The following SLC24A1 variants were observed in gnomAD, a reference collection of about 807,000 sequenced individuals.
The protein encoded by SLC24A1 is sodium/potassium/calcium exchanger 1.
Under a neutral mutation model 88.1 loss-of-function variants are expected in SLC24A1, and 52 were observed. That is an observed-to-expected ratio of 0.59 (90% confidence interval 0.47 to 0.74). SLC24A1 has a LOEUF of 0.74. SLC24A1 is among the 30% of genes least tolerant of loss of function. SLC24A1 has a pLI of 0.00. For missense variants in SLC24A1, 1,173 were observed against 1,363.3 expected (o/e 0.86, Z 2.20); for synonymous variants, 455 against 498.0 (o/e 0.91, Z 1.15).
Position 65,654,068 on chromosome 15 carries a change from G to A in SLC24A1, c.3289G>A (p.Val1097Ile), listed in dbSNP as rs1290372321. The stretch of plus-strand genomic sequence containing the variant: ...AGAAGATCGAATCATATCCTGTCCT[G>A]TATCTGTCTGAATCAGTCACTCTTG... ...MLEDRIISCPVSV is the reference protein window; with the variant it reads ...MLEDRIISCPISV Residue 1097 changes from valine to isoleucine, a missense_variant, in exon 10 of 10, where the codon GTA becomes ATA. Coordinates refer to ENST00000261892, the MANE Select transcript of SLC24A1 (RefSeq NM_004727.3). The A allele has an allele frequency of 4.3e-6, 7 of 1,612,944 alleles. No individual in the cohort carries two copies. The highest frequency in any genetic ancestry group is 5.9e-6 in the Non-Finnish European group (7 of 1,179,188).
In SLC24A1 at chr15:65,624,258, A is replaced by G. The variant is rs1238880126; in HGVS notation, c.178A>G (p.Ile60Val). The change falls in exon 2 of 10, where the codon ATA becomes GTA. Residue 60 changes from isoleucine to valine, a missense_variant. Transcript: ENST00000261892. ...LWAAVSSHQP[I>V]KLASRDLSSE... ...GGCAGCAGTCTCTTCTCATCAGCCT[A>G]TAAAACTGGCCAGTCGGGACCTCTC... 2 of 1,613,778 alleles carry G rather than the reference A, an allele frequency of 1.2e-6. No homozygotes were observed. Among genetic ancestry groups the G allele is most frequent in the East Asian group, 4.5e-5 (2 of 44,898 alleles).
upstream of SLC24A1, among the ~76,000 whole-genome samples, chr15:65,621,195 C>T (rs2074307008): frequency 6.6e-6 from 1 of 152,212 alleles, no homozygotes; most frequent in South Asian, 2.1e-4. Context: ...AAGGGGCAGT[C>T]AGTAAATGTC....
At chr15:65,626,081 G>T in intron 2 of SLC24A1, 111 bp downstream of exon 2, 1 of 797,166 alleles carries the variant, frequency 1.3e-6, no homozygotes, top group Non-Finnish European at 2.2e-6. Context: ...TGAATGCTCT[G>T]GTTCCCTTAC....
chr15:65,650,368 G>A lies in SLC24A1; in HGVS notation c.2233-14G>A, dbSNP rs373866582. ...GCAGTTACCACACATTAATCTGTTG[G>A]TTTTGGATTGCAGGAAGATGTGGCT... On this transcript the variant is annotated splice_polypyrimidine_tract_variant and intron_variant, in intron 6 of 9. Coordinates refer to ENST00000261892, the MANE Select transcript of SLC24A1 (RefSeq NM_004727.3). The surrounding 1 kb of genome is among the most constrained non-coding windows in gnomAD (Gnocchi z 4.1). The A allele has an allele frequency of 9.4e-5, 146 of 1,547,992 alleles. No individual in the cohort carries two copies. The African/African-American group carries it at 1.9e-3, about 20-fold the overall frequency.
chr15:65,659,322 G>GTTTTTTTTTTTTTTT (rs869058369), downstream of SLC24A1: 3 of 71,604 alleles, frequency 4.2e-5, no homozygotes, highest in East Asian at 1.0e-3. Context: ...ATATTTTCTG[G>GTTTTTTTTTTTTTTT]TTTTTTTTTT....
chr15:65,645,799 T>G, intron 6 of SLC24A1, 96 bp downstream of exon 6: 1 of 767,410 alleles, frequency 1.3e-6, no homozygotes, highest in South Asian at 1.7e-5. Flanking sequence ...GAAATCCTAT[T>G]TGAGGTTCAT....
intron 2 of SLC24A1, among the ~76,000 whole-genome samples, chr15:65,627,009 T>C (rs2074543965): frequency 6.6e-6 from 1 of 152,178 alleles, no homozygotes; most frequent in Non-Finnish European, 1.5e-5. Context: ...GAATTTTGCA[T>C]GCAGAGTGGA....
chr15:65,625,136 C>T lies in SLC24A1; in HGVS notation c.1056C>T (p.Thr352=). 1 of 1,613,684 alleles carries T rather than the reference C, an allele frequency of 6.2e-7. No homozygotes were observed. The highest frequency in any genetic ancestry group is 8.5e-7 in the Non-Finnish European group (1 of 1,179,876). ...GTCTTAGGAATCCTTCACCCAGGACCAGTGTATCAGCCATCAAAACAGCCC... is the reference window on the plus strand; with the variant it reads ...GTCTTAGGAATCCTTCACCCAGGACTAGTGTATCAGCCATCAAAACAGCCC... ...AWSLRNPSPR[T]SVSAIKTAPA... The change falls in exon 2 of 10, where the codon ACC becomes ACT. Residue 352 remains threonine (T), a synonymous_variant. Coordinates refer to ENST00000261892, the MANE Select transcript of SLC24A1 (RefSeq NM_004727.3).
chr15:65,627,200 A>T (rs560880131), intron 2 of SLC24A1, among the ~76,000 whole-genome samples: 9 of 152,320 alleles, frequency 5.9e-5, no homozygotes, highest in African/African-American at 2.2e-4. Context: ...CTGAGTTCTA[A>T]TCTGATTCTG....
intron 7 of SLC24A1, among the ~76,000 whole-genome samples, chr15:65,651,324 T>C (rs2075496909): frequency 1.3e-5 from 2 of 152,152 alleles, no homozygotes; most frequent in African/African-American, 4.8e-5. Flanking sequence ...CATTCTTATT[T>C]GCAAGGAAAG....
In SLC24A1 at chr15:65,653,821, A is replaced by T. The variant is rs774208027; in HGVS notation, c.3051-9A>T. The T allele has an allele frequency of 3.1e-6, 5 of 1,613,236 alleles. No individual in the cohort carries two copies. In the African/African-American group the frequency reaches 6.7e-5, roughly 22 times the overall value. Reference sequence around the variant, plus strand: ...TAAGGATATTCACATCGTTTCTTCAATCTTGCAGCTTGCCTGTTCCTTGGT... The same window carrying T: ...TAAGGATATTCACATCGTTTCTTCATTCTTGCAGCTTGCCTGTTCCTTGGT... On this transcript the variant is annotated splice_polypyrimidine_tract_variant and intron_variant, in intron 9 of 9. Transcript: ENST00000261892.
At chr15:65,649,569 T>A (rs1246618249) in intron 6 of SLC24A1, among the ~76,000 whole-genome samples, 1 of 152,228 alleles carries the variant, frequency 6.6e-6, no homozygotes, top group Non-Finnish European at 1.5e-5. Context: ...GCAAGTTACT[T>A]AGTTCCTTTT....
At chr15:65,643,106 C>A in intron 4 of SLC24A1, 1 of 1,004,112 alleles carries the variant, frequency 1.0e-6, no homozygotes, top group Non-Finnish European at 1.4e-6. Flanking sequence ...AGGTGCCAGA[C>A]ACTGTTTTGA....
rs2075541568 is a variant in SLC24A1, at chr15:65,652,518, A to T, written c.2884-124A>T. 6.3e-6 allele frequency: 5 copies of T among 792,072 alleles called. No individual in the cohort carries two copies. In the South Asian group the frequency reaches 7.3e-5, roughly 12 times the overall value. 49.1% of individuals were successfully genotyped at this position (792,072 alleles called of 1,614,324 possible). On this transcript the variant is annotated intron_variant, in intron 8 of 9. Transcript: ENST00000261892. ...GTCGGTCCCCCTATCACCCTTCCTC[A>T]CTCAGGCTGAGGGGGTGTGGCTGAG...
At chr15:65,618,213 A>G (rs1461356746), upstream of SLC24A1, among the ~76,000 whole-genome samples, 3 of 152,152 alleles carry the variant, frequency 2.0e-5, no homozygotes, top group Non-Finnish European at 2.9e-5. Context: ...AATTGTCTCT[A>G]CGTATGTATG....
chr15:65,655,968 TTAA>T lies in SLC24A1; in HGVS notation c.*1891_*1893del, dbSNP rs1444152085. The stretch of plus-strand genomic sequence containing the variant: ...GGAATCATGTTCCAATTCTATATTC[TTAA>T]TTATCCTTATTCCTGATGCTACTGC... On this transcript the variant is annotated 3_prime_UTR_variant, in exon 10 of 10. Coordinates refer to ENST00000261892, the MANE Select transcript of SLC24A1 (RefSeq NM_004727.3). 3 of 985,212 alleles carry T rather than the reference TTAA, an allele frequency of 3.0e-6. No individual in the cohort carries two copies. The highest frequency in any genetic ancestry group is 3.6e-6 in the Non-Finnish European group (3 of 829,848). The allele number at this position is 985,212 out of a possible 1,614,324, so 61.0% of individuals were successfully genotyped here. A position where few individuals can be genotyped will look rare whatever the true frequency, so the allele number is the denominator to read the frequency against.
chr15:65,615,664 C>T (rs930310221), intron 2 of SLC24A1, among the ~76,000 whole-genome samples: 4 of 151,956 alleles, frequency 2.6e-5, no homozygotes, highest in African/African-American at 9.7e-5. Flanking sequence ...CTGGGCAACA[C>T]AGCAAGACCC....
intron 2 of SLC24A1, among the ~76,000 whole-genome samples, chr15:65,629,356 A>G (rs1378318702): frequency 6.6e-6 from 1 of 152,248 alleles, no homozygotes; most frequent in Non-Finnish European, 1.5e-5. Flanking sequence ...AGTATTTGAC[A>G]TAGACATATA....
chr15:65,653,801 A>G, intron 9 of SLC24A1, 29 bp from the exon 10 acceptor site: 1 of 1,610,188 alleles, frequency 6.2e-7, no homozygotes. Flanking sequence ...AACATTAAGG[A>G]TATTCACATC....
Sources: allele counts gnomAD v4.1 joint callset (sites outside exome capture counted in the v4.1 genomes callset), GRCh38; gene constraint gnomAD v4.1.1; non-coding constraint Gnocchi (gnomAD v3.1); transcripts MANE v1.5; gene names NCBI Gene and HGNC (gene_info 2026-07-23, HGNC 2026-07-21).